The following GLRX3 variants were observed in gnomAD, a reference collection of about 807,000 sequenced individuals.
GLRX3 encodes glutaredoxin-3.
GLRX3 carries 22 observed loss-of-function variants against 49.5 expected under a neutral mutation model. That is an observed-to-expected ratio of 0.44 (90% CI 0.32 to 0.63). The LOEUF (loss-of-function observed/expected upper bound fraction) is 0.63. Ranked by LOEUF, GLRX3 falls within the 30% of genes least tolerant of loss-of-function variation. The pLI, the probability that GLRX3 is intolerant of heterozygous loss-of-function variation, is 0.05. For synonymous variants in GLRX3, 133 were observed against 140.0 expected, an observed-to-expected ratio of 0.95 and a Z score of 0.35; for missense variants, 385 against 396.3, an observed-to-expected ratio of 0.97 and a Z score of 0.24.
intron 2 of GLRX3, among the ~76,000 whole-genome samples, chr10:130,146,100 CT>C (rs78981958): frequency 0.037 from 5,606 of 152,260 alleles, 195 homozygotes; most frequent in East Asian, 0.1. Flanking sequence ...CAAATGTACA[CT>C]TTTCCTTGAT....
intron 4 of GLRX3, among the ~76,000 whole-genome samples, chr10:130,165,601 C>A (rs1862666872): frequency 6.6e-6 from 1 of 152,096 alleles, no homozygotes; most frequent in Non-Finnish European, 1.5e-5. Flanking sequence ...TCATATATAA[C>A]AACAGAGAAG....
chr10:130,162,554 T>TA (rs1160270028), intron 4 of GLRX3, among the ~76,000 whole-genome samples: 77 of 152,348 alleles, frequency 5.1e-4, no homozygotes, highest in African/African-American at 1.8e-3. Context: ...GAATGGATTG[T>TA]ATTCAGCACC....
chr10:130,158,485 C>CT (rs1217296321), intron 2 of GLRX3, among the ~76,000 whole-genome samples: 10 of 152,030 alleles, frequency 6.6e-5, no homozygotes, highest in South Asian at 2.1e-4. Flanking sequence ...TTAGTATTGC[C>CT]TTTTTTTTGG....
intron 8 of GLRX3, among the ~76,000 whole-genome samples, chr10:130,174,527 G>A (rs1368684280): frequency 1.3e-5 from 2 of 152,244 alleles, no homozygotes; most frequent in Admixed American, 6.5e-5. Flanking sequence ...CTTTTATGCT[G>A]ACAGTTGCAG....
chr10:130,167,438 C>G (rs1862714598), intron 6 of GLRX3, among the ~76,000 whole-genome samples: 1 of 152,216 alleles, frequency 6.6e-6, no homozygotes, highest in Admixed American at 6.5e-5. Flanking sequence ...GAGCACTTCT[C>G]ATGGCCTTTC....
chr10:130,137,300 T>C (rs953659605), intron 1 of GLRX3, among the ~76,000 whole-genome samples: 6 of 152,130 alleles, frequency 3.9e-5, no homozygotes, highest in African/African-American at 1.2e-4. Flanking sequence ...GACTAGAAGC[T>C]CTGAACTGCA....
At chr10:130,173,079 T>C (rs764071641) in intron 8 of GLRX3, among the ~76,000 whole-genome samples, 6 of 152,194 alleles carry the variant, frequency 3.9e-5, no homozygotes, top group Non-Finnish European at 7.4e-5. Flanking sequence ...GGCTGGCTTG[T>C]TTTTGGTCAT....
chr10:130,154,423 G>A (rs754298249), intron 2 of GLRX3, among the ~76,000 whole-genome samples: 6 of 152,180 alleles, frequency 3.9e-5, no homozygotes, highest in Non-Finnish European at 7.3e-5. Context: ...CATTGATCTC[G>A]CTGGGAGCTG....
intron 1 of GLRX3, among the ~76,000 whole-genome samples, chr10:130,140,739 A>G (rs1465003424): frequency 6.6e-6 from 1 of 151,814 alleles, no homozygotes; most frequent in Middle Eastern, 3.4e-3. Flanking sequence ...TAATTTTTGA[A>G]AAATGTAGTT....
intron 2 of GLRX3, among the ~76,000 whole-genome samples, chr10:130,145,898 A>G (rs1862262863): frequency 6.6e-6 from 1 of 151,512 alleles, no homozygotes; most frequent in African/African-American, 2.4e-5. Context: ...GGTTTAAGCG[A>G]TTTTCCTGCC....
chr10:130,150,560 C>T (rs28582182), intron 2 of GLRX3, among the ~76,000 whole-genome samples: 2 of 152,062 alleles, frequency 1.3e-5, no homozygotes, highest in African/African-American at 2.4e-5. Context: ...GGAGGAGTTA[C>T]GTATTTAAAT....
chr10:130,175,237 T>G, intron 10 of GLRX3, 148 bp downstream of exon 10: 3 of 646,130 alleles, frequency 4.6e-6, no homozygotes, highest in Non-Finnish European at 8.4e-6. Flanking sequence ...TATCACCGTT[T>G]CTGTGTGCAT....
intron 10 of GLRX3, among the ~76,000 whole-genome samples, chr10:130,177,048 T>C (rs1264434400): frequency 2.0e-5 from 3 of 152,220 alleles, no homozygotes; most frequent in African/African-American, 7.2e-5. Flanking sequence ...AAATGTGTGA[T>C]ATTGTTAACG....
chr10:130,139,596 C>T (rs1012291156), intron 1 of GLRX3, among the ~76,000 whole-genome samples: 1 of 147,544 alleles, frequency 6.8e-6, no homozygotes, highest in Admixed American at 6.9e-5. Flanking sequence ...GAGCCAAGAT[C>T]GTGGCACTGC....
intron 1 of GLRX3, among the ~76,000 whole-genome samples, chr10:130,139,486 CA>C (rs1862131988): frequency 2.0e-5 from 3 of 151,548 alleles, no homozygotes; most frequent in Non-Finnish European, 4.4e-5. Context: ...AAAGAAAATA[CA>C]AAAAATTAGC....
At chr10:130,160,721 C>T (rs12245251) in intron 3 of GLRX3, 75 bp from the exon 4 acceptor site, 46,131 of 845,264 alleles carry the variant, frequency 0.055, 2,074 homozygotes, top group African/African-American at 0.19. Context: ...ACTGTTGTCC[C>T]CTTTAAAAAT....
intron 7 of GLRX3, among the ~76,000 whole-genome samples, chr10:130,170,189 A>T (rs766280706): frequency 6.6e-6 from 1 of 152,186 alleles, no homozygotes; most frequent in South Asian, 2.1e-4. Flanking sequence ...TTAATTCTCA[A>T]TCAGTTGTTG....
rs1258659595 is a variant in GLRX3 at position 130,162,706 on chromosome 10, G to A, written c.478+1709G>A. Among the ~76,000 whole-genome samples, 4 of 152,330 alleles carry A rather than the reference G, an allele frequency of 2.6e-5. No individual in the cohort carries two copies. In the East Asian group the frequency reaches 7.7e-4, roughly 29 times the overall value. On this transcript the variant is annotated intron_variant, in intron 4 of 10. Coordinates refer to ENST00000331244, the MANE Select transcript of GLRX3 (RefSeq NM_006541.5). ...TTCTGAATGATAAACCTAATGAAAA[G>A]GCAGGTGGCAACACTGAAGCTTGGG...
chr10:130,149,441 C>CAA (rs57634103), intron 2 of GLRX3, among the ~76,000 whole-genome samples: 15,180 of 128,040 alleles, frequency 0.12, 830 homozygotes, highest in Non-Finnish European at 0.14. Flanking sequence ...GACTCCGTCT[C>CAA]AAAAAAAAAA....
Sources: allele counts gnomAD v4.1 joint callset (sites outside exome capture counted in the v4.1 genomes callset), GRCh38; gene constraint gnomAD v4.1.1; transcripts MANE v1.5; gene names NCBI Gene and HGNC (gene_info 2026-07-23, HGNC 2026-07-21).